The following TMEFF1 variants were observed in gnomAD, a reference collection of about 807,000 sequenced individuals.
TMEFF1 encodes transmembrane protein with EGF like and two follistatin like domains 1, also known as tomoregulin-1.
A neutral mutation model predicts 47.5 loss-of-function variants in TMEFF1; 20 were observed. The ratio of observed to expected loss-of-function variants is 0.42; its 90% CI spans 0.30 to 0.61. TMEFF1 has a LOEUF of 0.61. TMEFF1 is among the 20% of genes least tolerant of loss of function. TMEFF1 has a pLI of 0.19. For missense variants in TMEFF1, 411 were observed against 471.1 expected (o/e 0.87, Z 1.18); for synonymous variants, 162 against 166.3 (o/e 0.97, Z 0.20).
In TMEFF1 at chr9:100,576,492, CTCTT is replaced by C. The variant is rs924266547; in HGVS notation, c.1059-18_1059-15del. The C allele has an allele frequency of 5.0e-6, 8 of 1,602,508 alleles. 1 individual carries two copies. The highest frequency in any genetic ancestry group is 4.5e-5 in the East Asian group (2 of 44,746). ...AAAATCATCAAAACAATATTTTTCT[CTCTT>C]TCTTTTTTTAATGCAACAGAAAATG... On this transcript the variant is annotated intron_variant, in intron 9 of 9. Transcript: ENST00000374879.
At chr9:100,489,082 C>A (rs894352670) in intron 1 of TMEFF1, among the ~76,000 whole-genome samples, 2 of 152,084 alleles carry the variant, frequency 1.3e-5, no homozygotes, top group African/African-American at 4.8e-5. Flanking sequence ...TACTCCACAC[C>A]CCCATCCCCT....
chr9:100,521,340 GTTCGTTAATGCTTACCTTTCAAA>G (rs1838156695), intron 5 of TMEFF1, among the ~76,000 whole-genome samples: 1 of 152,112 alleles, frequency 6.6e-6, no homozygotes, highest in African/African-American at 2.4e-5. Flanking sequence ...TGACAGTTAT[GTTCGTTAATGCTTACCTTTCAAA>G]TTTATACCTA....
intron 1 of TMEFF1, among the ~76,000 whole-genome samples, chr9:100,489,300 G>A (rs971722629): frequency 4.0e-5 from 6 of 151,784 alleles, no homozygotes; most frequent in African/African-American, 1.2e-4. Flanking sequence ...CTTGACCTCC[G>A]GCTCGTGATT....
chr9:100,561,294 G>T, intron 7 of TMEFF1, 103 bp from the exon 8 acceptor site: 1 of 1,518,006 alleles, frequency 6.6e-7, no homozygotes. Flanking sequence ...CCAGTAGGTG[G>T]TTGACAGTGG....
At chr9:100,508,397 T>C (rs1397466707) in intron 2 of TMEFF1, among the ~76,000 whole-genome samples, 1 of 152,148 alleles carries the variant, frequency 6.6e-6, no homozygotes, top group Non-Finnish European at 1.5e-5. Context: ...ATATTCCACT[T>C]TCTCTGAGGA....
At chr9:100,513,215 C>A in intron 3 of TMEFF1, 92 bp from the exon 4 acceptor site, 2 of 1,526,776 alleles carry the variant, frequency 1.3e-6, no homozygotes, top group African/African-American at 2.8e-5. Flanking sequence ...GAATGGATAT[C>A]ACAGTTTTAT....
chr9:100,563,050 T>A (rs1287920124), intron 8 of TMEFF1, among the ~76,000 whole-genome samples: 1 of 152,130 alleles, frequency 6.6e-6, no homozygotes, highest in Admixed American at 6.5e-5. Context: ...TCTCTTGACC[T>A]CATGATCCGC....
At chr9:100,550,228 TTC>T (rs1838808256) in intron 7 of TMEFF1, 68 bp downstream of exon 7, 33 of 1,514,262 alleles carry the variant, frequency 2.2e-5, no homozygotes, top group Non-Finnish European at 2.9e-5. Flanking sequence ...TCCTTATTAG[TTC>T]TGTTTCCATT....
At chr9:100,474,330 TGC>T (rs1354051623) in intron 1 of TMEFF1, among the ~76,000 whole-genome samples, 1 of 151,322 alleles carries the variant, frequency 6.6e-6, no homozygotes. Flanking sequence ...ACTGTGTGTG[TGC>T]GCGCGCGCGC....
chr9:100,488,609 A>G (rs967994704), intron 1 of TMEFF1, among the ~76,000 whole-genome samples: 1 of 152,190 alleles, frequency 6.6e-6, no homozygotes, highest in Non-Finnish European at 1.5e-5. Context: ...AGTACTTATT[A>G]TGTGTATTAT....
At chr9:100,543,635 A>G (rs1161133601) in intron 5 of TMEFF1, among the ~76,000 whole-genome samples, 2 of 151,762 alleles carry the variant, frequency 1.3e-5, no homozygotes, top group Non-Finnish European at 2.9e-5. Context: ...CCTGGGCCAC[A>G]TTGGAAGAAG....
chr9:100,477,976 T>A (rs1027029511), intron 1 of TMEFF1, among the ~76,000 whole-genome samples: 2 of 152,198 alleles, frequency 1.3e-5, no homozygotes, highest in Non-Finnish European at 2.9e-5. Context: ...TCTATTTATT[T>A]GATTTCTGGT....
intron 5 of TMEFF1, among the ~76,000 whole-genome samples, chr9:100,543,074 A>G (rs887415007): frequency 1.3e-5 from 2 of 152,006 alleles, no homozygotes; most frequent in Non-Finnish European, 2.9e-5. Flanking sequence ...GATTACAGGC[A>G]TGTGCCACCA....
chr9:100,550,285 A>C, intron 7 of TMEFF1, 125 bp downstream of exon 7: 1 of 786,672 alleles, frequency 1.3e-6, no homozygotes, highest in Non-Finnish European at 1.8e-6. Flanking sequence ...TATACCTAAC[A>C]CAGTTAATTA....
chr9:100,516,083 C>T (rs1838067101), intron 4 of TMEFF1, among the ~76,000 whole-genome samples: 1 of 151,936 alleles, frequency 6.6e-6, no homozygotes, highest in African/African-American at 2.4e-5. Context: ...TTTGTATCTG[C>T]ATATTTTTGG....
At chr9:100,539,612 C>T (rs1372592779) in intron 5 of TMEFF1, among the ~76,000 whole-genome samples, 2 of 152,094 alleles carry the variant, frequency 1.3e-5, no homozygotes, top group Admixed American at 6.5e-5. Flanking sequence ...AGTGAAGCTG[C>T]AGACCTTCGC....
In TMEFF1 at chr9:100,564,826, G is replaced by C. The variant is rs1007265456; in HGVS notation, c.899+3306G>C. Among the ~76,000 whole-genome samples, 7 of 152,338 alleles carry C rather than the reference G, an allele frequency of 4.6e-5. No homozygotes were observed. In the East Asian group the frequency reaches 1.2e-3, roughly 25 times the overall value. On this transcript the variant is annotated intron_variant, in intron 8 of 9. Coordinates refer to ENST00000374879, the MANE Select transcript of TMEFF1 (RefSeq NM_003692.5). ...AGTAAGGGCCTGAATTAAGTATAAA[G>C]GAGTTGTGAGGCTGAGAAAATAAAT...
chr9:100,542,722 ATATT>A (rs1838656567), intron 5 of TMEFF1, among the ~76,000 whole-genome samples: 2 of 152,046 alleles, frequency 1.3e-5, no homozygotes, highest in African/African-American at 4.8e-5. Context: ...TTCCACTATG[ATATT>A]TCAGTATGTG....
At chr9:100,504,332 A>G (rs375591733) in intron 2 of TMEFF1, among the ~76,000 whole-genome samples, 17 of 152,212 alleles carry the variant, frequency 1.1e-4, no homozygotes, top group African/African-American at 3.1e-4. Context: ...TACTTCTCCC[A>G]TCTCACACTC....
Sources: gnomAD v4.1 joint callset for allele counts (sites outside exome capture counted in the v4.1 genomes callset) on GRCh38, gnomAD v4.1.1 for gene constraint, MANE v1.5 for transcripts, NCBI Gene and HGNC (gene_info 2026-07-23, HGNC 2026-07-21) for gene names.